DNAH3: variants seen among roughly 807,000 people sequenced by gnomAD.
DNAH3 encodes axonemal beta dynein heavy chain 3.
A neutral mutation model predicts 432.5 loss-of-function variants in DNAH3; 332 were observed. The observed-to-expected ratio is 0.77, with a 90% CI of 0.70 to 0.84. The LOEUF is 0.84. Ranked by LOEUF, DNAH3 falls within the 40% of genes least tolerant of loss-of-function variation. The probability of loss-of-function intolerance (pLI) is 0.00; values close to 1 mark genes in which losing one functional copy is unlikely to be tolerated. For missense variants in DNAH3, 4,861 were observed against 5,114.0 expected (o/e 0.95, Z 1.51); for synonymous variants, 1,956 against 1,900.2 (o/e 1.03, Z -0.76).
At position 21,006,972 on chromosome 16, in the gene DNAH3, T is replaced by C. The variant is rs751150747; in HGVS notation, c.6023-3765A>G. Among the ~76,000 whole-genome samples the C allele has an allele frequency of 5.2e-4, 79 of 152,320 alleles. No individual in the cohort carries two copies. In the Middle Eastern group the frequency reaches 0.014, roughly 26 times the overall value. On this transcript the variant is annotated intron_variant, in intron 41 of 61. Coordinates refer to ENST00000261383, the Ensembl canonical transcript of DNAH3. ...TAAATTAAATTGGATTGTGTTTAAC[T>C]TTGGAGGAAGTGTCACAGCCTCTTT...
intron 23 of DNAH3, among the ~76,000 whole-genome samples, chr16:21,067,765 G>A (rs2090611170): frequency 1.1e-5 from 1 of 89,904 alleles, no homozygotes; most frequent in African/African-American, 4.4e-5. Context: ...CTTGGGGGGG[G>A]GGGTGGGGAG....
At chr16:21,107,063 T>A (rs1357757596) in intron 14 of DNAH3, among the ~76,000 whole-genome samples, 1 of 151,602 alleles carries the variant, frequency 6.6e-6, no homozygotes, top group Non-Finnish European at 1.5e-5. Context: ...ACATGGTATG[T>A]GGGTGTCAGA....
chr16:21,062,333 A>T (rs1567722395), intron 25 of DNAH3, 149 bp downstream of exon 25: 1 of 637,728 alleles, frequency 1.6e-6, no homozygotes, highest in Non-Finnish European at 2.8e-6. Context: ...AAGATTGAGT[A>T]ACTTCCCCAA....
exon 25 of DNAH3, chr16:21,062,536 G>A (rs778526880): frequency 6.2e-7 from 1 of 1,614,184 alleles, no homozygotes; most frequent in Non-Finnish European, 8.5e-7. Context: ...CTTTTTCCGA[G>A]CTGATCATGC....
intron 18 of DNAH3, among the ~76,000 whole-genome samples, chr16:21,087,592 T>C (rs1452630641): frequency 6.6e-6 from 1 of 152,108 alleles, no homozygotes; most frequent in Non-Finnish European, 1.5e-5. Context: ...TAGTAGTAAT[T>C]AAAAGTGCTT....
intron 1 of DNAH3, among the ~76,000 whole-genome samples, chr16:21,148,202 T>A (rs1021870527): frequency 2.6e-5 from 4 of 152,108 alleles, no homozygotes; most frequent in African/African-American, 9.7e-5. Flanking sequence ...ACCATCATTA[T>A]CTCTCCCGGA....
At chr16:21,106,176 CTA>C (rs1567800633) in intron 15 of DNAH3, among the ~76,000 whole-genome samples, 1 of 99,514 alleles carries the variant, frequency 1.0e-5, no homozygotes. Context: ...GAGACTCCAT[CTA>C]AAAAAAAAAA....
At position 20,960,238 on chromosome 16, in the gene DNAH3, T is replaced by C. The variant is rs141056130; in HGVS notation, c.10601-834A>G. Among the ~76,000 whole-genome samples, 172 of 152,292 alleles carry C rather than the reference T, an allele frequency of 1.1e-3. 4 individuals carry two copies. In the East Asian group the frequency reaches 0.024, roughly 21 times the overall value. On this transcript the variant is annotated intron_variant, in intron 53 of 61. Transcript: ENST00000261383. ...TTCATGGATACATAGTATATCACCA[T>C]TGGAAAATACTACACTTTATTTCAT... is the stretch of plus-strand genomic sequence containing the variant.
At chr16:21,143,420 T>C (rs1486725648) in intron 3 of DNAH3, among the ~76,000 whole-genome samples, 4 of 152,200 alleles carry the variant, frequency 2.6e-5, no homozygotes, top group Non-Finnish European at 5.9e-5. Flanking sequence ...AGAAGACAGA[T>C]GTCTATGAAT....
At chr16:21,137,071 T>C (rs890578417) in intron 5 of DNAH3, among the ~76,000 whole-genome samples, 4 of 151,456 alleles carry the variant, frequency 2.6e-5, no homozygotes, top group African/African-American at 7.3e-5. Flanking sequence ...GAGGTGGAGG[T>C]TGCAGTGAGC....
At chr16:21,106,665 A>G in exon 15 of DNAH3, 1 of 1,502,838 alleles carries the variant, frequency 6.7e-7, no homozygotes, top group Non-Finnish European at 9.0e-7. Context: ...GGCTGTACTG[A>G]TTACAAATGC....
chr16:20,989,636 ACGCT>A (rs1303683458), intron 44 of DNAH3, among the ~76,000 whole-genome samples: 1 of 152,226 alleles, frequency 6.6e-6, no homozygotes, highest in Non-Finnish European at 1.5e-5. Context: ...CCCGGGCGGT[ACGCT>A]CGCACTCCTC....
chr16:21,069,401 G>A lies in DNAH3; in HGVS notation c.3381+14C>T, dbSNP rs188682371. 1.9e-6 allele frequency: 3 copies of A among 1,608,332 alleles called. No homozygotes were observed. The highest frequency in any genetic ancestry group is 2.6e-6 in the Non-Finnish European group (3 of 1,175,918). The stretch of plus-strand genomic sequence containing the variant: ...ATTTCTGCTGGTAAGAGTTATTAGG[G>A]TATAAAAACTTACCGCTTGGGACAT... On this transcript the variant is annotated intron_variant, in intron 23 of 61. Transcript: ENST00000261383.
chr16:21,034,077 T>TTAGAA lies in DNAH3; in HGVS notation c.5093_5094insTTCTA (p.Glu1698AspfsTer4), dbSNP rs761720116. 6.2e-7 allele frequency: 1 copy of TTAGAA among 1,608,232 alleles called. No individual in the cohort carries two copies. Among genetic ancestry groups the TTAGAA allele is most frequent in the Non-Finnish European group, 8.5e-7 (1 of 1,175,032 alleles). On this transcript the variant is annotated frameshift_variant, in exon 36 of 62. Transcript: ENST00000261383. LOFTEE classifies it high-confidence loss of function. ...TATAGCCATGTCTCACCAGCATCAT[T>TTAGAA]TCGTAGATCTGGGAGGAGACATCAT...
Position 20,967,492 on chromosome 16 carries a change from C to CTTTTTTTTTTTT in DNAH3, c.8459-2079_8459-2068dup, listed in dbSNP as rs756357963. Among the ~76,000 whole-genome samples, 2 of 52,786 alleles carry CTTTTTTTTTTTT rather than the reference C, an allele frequency of 3.8e-5. 1 individual carries two copies. The highest frequency in any genetic ancestry group is 1.2e-3 in the East Asian group (2 of 1,734). The allele number at this position is 52,786 out of a possible 152,430, so 34.6% of individuals were successfully genotyped here. A position where few individuals can be genotyped will look rare whatever the true frequency, so the allele number is the denominator to read the frequency against. On this transcript the variant is annotated intron_variant, in intron 52 of 61. Coordinates refer to ENST00000261383, the Ensembl canonical transcript of DNAH3. ...TCTAGGAGTGGGGCACAGACTTCTG[C>CTTTTTTTTTTTT]TTTTTTTTTTTTTTTTTTTTTTTTT...
At chr16:21,127,281 G>A (rs150290097) in intron 8 of DNAH3, among the ~76,000 whole-genome samples, 111 of 151,968 alleles carry the variant, frequency 7.3e-4, no homozygotes, top group Middle Eastern at 3.4e-3. Context: ...GGCCAGGCGC[G>A]GTGGCTCATG....
rs757972267 is a variant in DNAH3 at position 20,979,476 on chromosome 16, G to A, written c.7930C>T (p.Arg2644Ter). 67 of 1,614,042 alleles carry A rather than the reference G, an allele frequency of 4.2e-5. 1 individual carries two copies. In the South Asian group the frequency reaches 6.6e-4, roughly 16 times the overall value. Reference sequence around the variant, plus strand: ...GTGGGGGTAACATAGTTGTGTCTTCGAAGTTTGTTGTAATAATCGAGTGAC... The same window carrying A: ...GTGGGGGTAACATAGTTGTGTCTTCAAAGTTTGTTGTAATAATCGAGTGAC... Residue 2644 changes from arginine to a stop codon, truncating the protein, a stop_gained, in exon 50 of 62, where the codon CGA becomes TGA. Transcript: ENST00000261383. LOFTEE classifies it high-confidence loss of function.
At chr16:21,036,921 T>C (rs144776966) in intron 34 of DNAH3, 73 bp from the exon 35 acceptor site, 1 of 1,255,526 alleles carries the variant, frequency 8.0e-7, no homozygotes, top group African/African-American at 1.5e-5. Flanking sequence ...TTTCCTAAAA[T>C]GAGATGTATC....
At chr16:21,056,418 T>TCCCTCCC (rs1283380875) in intron 27 of DNAH3, among the ~76,000 whole-genome samples, 62 of 127,442 alleles carry the variant, frequency 4.9e-4, no homozygotes, top group African/African-American at 1.8e-3. Context: ...TCCTTCCTTC[T>TCCCTCCC]TTAAACCCTC....
Sources: allele counts gnomAD v4.1 joint callset (sites outside exome capture counted in the v4.1 genomes callset), GRCh38; gene constraint gnomAD v4.1.1; transcripts MANE v1.5; gene names NCBI Gene and HGNC (gene_info 2026-07-23, HGNC 2026-07-21).